FGD6: variants seen among roughly 807,000 people sequenced by gnomAD.
FGD6 encodes FYVE, RhoGEF and PH domain-containing protein 6.
Under a neutral mutation model 149.4 loss-of-function variants are expected in FGD6, and 90 were observed. The observed-to-expected ratio is 0.60, with a 90% CI of 0.51 to 0.72. The LOEUF is 0.72. Ranked by LOEUF, FGD6 falls within the 30% of genes least tolerant of loss-of-function variation. The pLI, the probability that FGD6 is intolerant of heterozygous loss-of-function variation, is 0.00. For synonymous variants in FGD6, 527 were observed against 584.0 expected (o/e 0.90, Z 1.41); for missense variants, 1,437 against 1,684.8 (o/e 0.85, Z 2.57).
At chr12:95,120,520 C>G (rs896653864) in intron 8 of FGD6, among the ~76,000 whole-genome samples, 2 of 151,686 alleles carry the variant, frequency 1.3e-5, no homozygotes, top group Admixed American at 1.3e-4. Flanking sequence ...AACCCTGTCT[C>G]TACTAAAAAT....
chr12:95,089,464 T>C, intron 18 of FGD6, 105 bp downstream of exon 18: 1 of 1,368,376 alleles, frequency 7.3e-7, no homozygotes, highest in Non-Finnish European at 1.0e-6. Context: ...CATGACTTAA[T>C]AGTTGTGGGA....
intron 2 of FGD6, among the ~76,000 whole-genome samples, chr12:95,177,252 T>C (rs1274521366): frequency 1.3e-5 from 2 of 152,170 alleles, no homozygotes; most frequent in African/African-American, 4.8e-5. Context: ...TCTGAGCCCC[T>C]ACTAAATTAA....
chr12:95,085,556 T>A (rs568346195), intron 19 of FGD6: 6 of 519,360 alleles, frequency 1.2e-5, no homozygotes, highest in Admixed American at 3.7e-5. Flanking sequence ...ACACAAAAAT[T>A]GCATTTTAAT....
At chr12:95,127,824 A>T (rs933146959) in intron 8 of FGD6, among the ~76,000 whole-genome samples, 6 of 152,220 alleles carry the variant, frequency 3.9e-5, no homozygotes, top group African/African-American at 1.4e-4. Flanking sequence ...CCTGATCCAC[A>T]TTTAATCAAA....
intron 3 of FGD6, among the ~76,000 whole-genome samples, chr12:95,161,217 T>C (rs572249270): frequency 6.6e-6 from 1 of 151,468 alleles, no homozygotes; most frequent in African/African-American, 2.4e-5. Context: ...CACTTGTGGC[T>C]GGGCCAAGTG....
intron 3 of FGD6, among the ~76,000 whole-genome samples, chr12:95,172,050 T>C (rs1158273370): frequency 7.2e-6 from 1 of 139,504 alleles, no homozygotes; most frequent in East Asian, 2.3e-4. Flanking sequence ...GGGGGGGTTG[T>C]TATCAAAAAG....
At chr12:95,200,006 G>A (rs574042711) in intron 2 of FGD6, among the ~76,000 whole-genome samples, 22 of 152,158 alleles carry the variant, frequency 1.4e-4, no homozygotes, top group African/African-American at 4.6e-4. Flanking sequence ...ACATTTTGTC[G>A]ACTTAAAACT....
rs547363175 is a variant in FGD6, at chr12:95,209,631, C to T, written c.1653G>A (p.Val551=). The T allele has an allele frequency of 4.3e-6, 7 of 1,613,560 alleles. No individual in the cohort carries two copies. Among genetic ancestry groups the T allele is most frequent in the Middle Eastern group, 1.7e-4 (1 of 6,056 alleles). ...LQHLCAQNRG[V]SSSFDMPKRA... is the part of the protein sequence containing the mutation. Reference sequence around the variant, plus strand: ...GTTTAGGCATATCAAAGGAGGATGACACACCACGGTTTTGGGCACACAAAT... The same window carrying T: ...GTTTAGGCATATCAAAGGAGGATGATACACCACGGTTTTGGGCACACAAAT... The change falls in exon 2 of 21, where the codon GTG becomes GTA. Residue 551 remains valine (V), a synonymous_variant. Coordinates refer to ENST00000343958, the MANE Select transcript of FGD6 (RefSeq NM_018351.4).
intron 3 of FGD6, among the ~76,000 whole-genome samples, chr12:95,168,712 T>G (rs1295730962): frequency 6.6e-6 from 1 of 152,144 alleles, no homozygotes; most frequent in Admixed American, 6.6e-5. Context: ...AGCATTCACT[T>G]TGTGTTAAGC....
intron 2 of FGD6, among the ~76,000 whole-genome samples, chr12:95,187,208 G>A (rs1272676835): frequency 1.3e-5 from 2 of 151,724 alleles, no homozygotes; most frequent in African/African-American, 2.4e-5. Flanking sequence ...GCAGGCGCCT[G>A]TAGTCCCAAC....
intron 14 of FGD6, among the ~76,000 whole-genome samples, chr12:95,096,766 G>C (rs928998599): frequency 6.6e-6 from 1 of 152,224 alleles, no homozygotes; most frequent in Non-Finnish European, 1.5e-5. Flanking sequence ...GTGATGAGCT[G>C]TTATTAAACC....
intron 2 of FGD6, among the ~76,000 whole-genome samples, chr12:95,194,943 C>T (rs1881699824): frequency 6.6e-6 from 1 of 152,132 alleles, no homozygotes; most frequent in African/African-American, 2.4e-5. Flanking sequence ...AACCACATTG[C>T]AAATTCCTCC....
At chr12:95,179,375 T>A (rs755344050) in intron 2 of FGD6, among the ~76,000 whole-genome samples, 35 of 151,352 alleles carry the variant, frequency 2.3e-4, no homozygotes, top group Admixed American at 1.2e-3. Flanking sequence ...TATGTGCCTG[T>A]GGTCCTAGCT....
intron 2 of FGD6, among the ~76,000 whole-genome samples, chr12:95,208,365 G>C (rs2056703686): frequency 6.6e-6 from 1 of 152,224 alleles, no homozygotes; most frequent in Middle Eastern, 3.4e-3. Flanking sequence ...GCCATCAACA[G>C]GTAAAATGAC....
chr12:95,186,164 A>T (rs1881422759), intron 2 of FGD6, among the ~76,000 whole-genome samples: 1 of 150,000 alleles, frequency 6.7e-6, no homozygotes. Flanking sequence ...ATGATTAGGC[A>T]AATCTAACCT....
At chr12:95,088,332 A>G (rs1231686367) in intron 18 of FGD6, among the ~76,000 whole-genome samples, 1 of 152,136 alleles carries the variant, frequency 6.6e-6, no homozygotes, top group Non-Finnish European at 1.5e-5. Context: ...CTTTACCATT[A>G]TACAACTCAT....
intron 7 of FGD6, 25 bp from the exon 8 acceptor site, chr12:95,134,851 AAC>A (rs759781121): frequency 1.1e-5 from 17 of 1,585,876 alleles, no homozygotes; most frequent in Middle Eastern, 3.4e-4. Flanking sequence ...CATCTAAATT[AAC>A]ACAGTGTTTT....
chr12:95,092,821 C>T lies in FGD6; in HGVS notation c.3625G>A (p.Val1209Ile). The change falls in exon 16 of 21, where the codon GTT becomes ATT. Residue 1209 changes from valine (V) to isoleucine (I), a missense_variant. Coordinates refer to ENST00000343958, the MANE Select transcript of FGD6 (RefSeq NM_018351.4). ...DEADSENKEE[V>I]SPLGSKAPIW... ...GGAGCCTTCGATCCAAGAGGACTAA[C>T]TTCTTCTTTATTTTCTGAGTCTGCC... is the stretch of plus-strand genomic sequence containing the variant. The T allele has an allele frequency of 1.9e-6, 3 of 1,612,994 alleles. No individual in the cohort carries two copies. The highest frequency in any genetic ancestry group is 2.5e-6 in the Non-Finnish European group (3 of 1,179,620).
At chr12:95,133,759 G>C (rs1415095478) in intron 8 of FGD6, among the ~76,000 whole-genome samples, 1 of 152,156 alleles carries the variant, frequency 6.6e-6, no homozygotes, top group Non-Finnish European at 1.5e-5. Context: ...GACCCTAGTA[G>C]TAGGTGTTGG....
Sources: gnomAD v4.1 joint callset for allele counts (sites outside exome capture counted in the v4.1 genomes callset) on GRCh38, gnomAD v4.1.1 for gene constraint, MANE v1.5 for transcripts, NCBI Gene and HGNC (gene_info 2026-07-23, HGNC 2026-07-21) for gene names.